The following SNAPC1 variants were observed in gnomAD, a reference collection of about 807,000 sequenced individuals.
SNAPC1 encodes the protein snRNA-activating protein complex subunit 1.
SNAPC1 carries 42 observed loss-of-function variants against 50.1 expected under a neutral mutation model. The ratio of observed to expected loss-of-function variants is 0.84; its 90% CI spans 0.65 to 1.08. SNAPC1 has a LOEUF of 1.08. SNAPC1 is among the 50% of genes least tolerant of loss of function. The probability of loss-of-function intolerance (pLI) is 0.00; values close to 1 mark genes in which losing one functional copy is unlikely to be tolerated. For synonymous variants in SNAPC1, 164 were observed against 144.2 expected (o/e 1.14, Z -0.98); for missense variants, 477 against 427.3 (o/e 1.12, Z -1.02).
rs367663321 is a variant in SNAPC1 at position 61,790,865 on chromosome 14, A to G, written c.977-1942A>G. On this transcript the variant is annotated intron_variant, in intron 8 of 9. Coordinates refer to ENST00000216294, the MANE Select transcript of SNAPC1 (RefSeq NM_003082.4). ...CATTCTAGCTGCCTGACTAGTAATCATTTGTTTGGATAATCAGTAGTGGTC... is the reference window on the plus strand; with the variant it reads ...CATTCTAGCTGCCTGACTAGTAATCGTTTGTTTGGATAATCAGTAGTGGTC... Among the ~76,000 whole-genome samples the G allele has an allele frequency of 1.1e-4, 17 of 152,266 alleles. No individual in the cohort carries two copies. The South Asian group carries it at 2.9e-3, about 26-fold the overall frequency.
At chr14:61,790,119 T>C (rs565892616) in intron 8 of SNAPC1, among the ~76,000 whole-genome samples, 14 of 152,180 alleles carry the variant, frequency 9.2e-5, no homozygotes, top group Non-Finnish European at 1.3e-4. Flanking sequence ...AAAGATTTCA[T>C]TGGGGGGAGA....
chr14:61,785,578 A>G (rs2045109963), intron 8 of SNAPC1, among the ~76,000 whole-genome samples: 1 of 152,214 alleles, frequency 6.6e-6, no homozygotes, highest in African/African-American at 2.4e-5. Context: ...AAGTCCTGAG[A>G]CATGTGCCCA....
chr14:61,769,393 G>GTTTTTTTTT (rs766718835), intron 4 of SNAPC1, among the ~76,000 whole-genome samples: 2 of 116,374 alleles, frequency 1.7e-5, no homozygotes, highest in African/African-American at 3.2e-5. Flanking sequence ...ATTTCCTGAG[G>GTTTTTTTTT]TTTTTTTTTT....
At chr14:61,791,774 G>T (rs1466505363) in intron 8 of SNAPC1, among the ~76,000 whole-genome samples, 1 of 152,022 alleles carries the variant, frequency 6.6e-6, no homozygotes, top group Non-Finnish European at 1.5e-5. Context: ...ATTTAAGCCT[G>T]GGAGGCGGAG....
At chr14:61,793,488 T>C (rs538390511) in intron 9 of SNAPC1, among the ~76,000 whole-genome samples, 1 of 152,054 alleles carries the variant, frequency 6.6e-6, no homozygotes, top group East Asian at 1.9e-4. Context: ...AGTGATCCAC[T>C]TGCCTCAGCC....
intron 8 of SNAPC1, among the ~76,000 whole-genome samples, chr14:61,789,393 C>A (rs988017283): frequency 1.3e-5 from 2 of 151,996 alleles, no homozygotes; most frequent in Admixed American, 6.6e-5. Flanking sequence ...TACATACATA[C>A]ACACATGAAC....
intron 8 of SNAPC1, among the ~76,000 whole-genome samples, chr14:61,785,193 G>A (rs959357522): frequency 1.3e-5 from 2 of 152,082 alleles, no homozygotes; most frequent in East Asian, 3.9e-4. Context: ...ACCTGAGGTT[G>A]GGAGTTCAAG....
In SNAPC1 at chr14:61,779,633, G is replaced by GT. The variant is rs201426313; in HGVS notation, c.825+732dup. On this transcript the variant is annotated intron_variant, in intron 7 of 9. Transcript: ENST00000216294. The stretch of plus-strand genomic sequence containing the variant: ...TTTCTCTTTAAGGATATTAACTACA[G>GT]TTTTTTTTTGATGGTTCCTCCCATT... 1.2e-3 allele frequency among the ~76,000 whole-genome samples: 165 copies of GT among 141,976 alleles called. 1 individual carries two copies. Among genetic ancestry groups the GT allele is most frequent in the East Asian group, 7.4e-3 (35 of 4,750 alleles). The allele number at this position is 141,976 out of a possible 152,430, so 93.1% of individuals were successfully genotyped here.
At chr14:61,793,920 T>C (rs1261033149) in intron 9 of SNAPC1, among the ~76,000 whole-genome samples, 1 of 152,226 alleles carries the variant, frequency 6.6e-6, no homozygotes, top group African/African-American at 2.4e-5. Flanking sequence ...CTTCCCAAAG[T>C]GCTGGGATTA....
Position 61,780,521 on chromosome 14 carries a change from C to A in SNAPC1, c.825+1611C>A, listed in dbSNP as rs533542646. On this transcript the variant is annotated intron_variant, in intron 7 of 9. Coordinates refer to ENST00000216294, the MANE Select transcript of SNAPC1 (RefSeq NM_003082.4). Reference sequence around the variant, plus strand: ...GAGCCACTGTGCCCAGCCCTTTGCCCGTTTTTTAACGGGGTGGTTTTTTGT... The same window carrying A: ...GAGCCACTGTGCCCAGCCCTTTGCCAGTTTTTTAACGGGGTGGTTTTTTGT... Among the ~76,000 whole-genome samples the A allele has an allele frequency of 1.7e-3, 261 of 152,218 alleles. 1 individual carries two copies. The highest frequency in any genetic ancestry group is 3.0e-3 in the Non-Finnish European group (205 of 68,006).
At chr14:61,773,527 TGGGACCACA>T (rs1024694508) in intron 4 of SNAPC1, among the ~76,000 whole-genome samples, 13 of 150,904 alleles carry the variant, frequency 8.6e-5, no homozygotes, top group African/African-American at 3.2e-4. Flanking sequence ...GCTGAGTAGA[TGGGACCACA>T]GGCGCCTGCC....
chr14:61,764,932 A>T (rs2044935790), intron 1 of SNAPC1, among the ~76,000 whole-genome samples: 1 of 150,874 alleles, frequency 6.6e-6, no homozygotes, highest in South Asian at 2.1e-4. Context: ...GCCCGTGTTT[A>T]TGGCTGCAGG....
rs74664302 is a variant in SNAPC1 at position 61,780,250 on chromosome 14, G to T, written c.825+1340G>T. Among the ~76,000 whole-genome samples, 1,304 of 152,196 alleles carry T rather than the reference G, an allele frequency of 8.6e-3. 7 individuals are homozygous for T. Among genetic ancestry groups the T allele is most frequent in the Middle Eastern group, 0.031 (9 of 294 alleles). ...ACGAGGCTCACCATTCCTTATGCAG[G>T]TTTCACTCAGCCCCTCTATTTTCAA... On this transcript the variant is annotated intron_variant, in intron 7 of 9. Coordinates refer to ENST00000216294, the MANE Select transcript of SNAPC1 (RefSeq NM_003082.4).
At chr14:61,773,082 TAA>T (rs2045005423) in intron 4 of SNAPC1, among the ~76,000 whole-genome samples, 1 of 152,352 alleles carries the variant, frequency 6.6e-6, no homozygotes, top group Admixed American at 6.5e-5. Flanking sequence ...CAACTGCTAT[TAA>T]GTCTTCATTT....
rs756588975 is a variant in SNAPC1, at chr14:61,795,659, CAAT to C, written c.*683_*685del. The C allele has an allele frequency of 9.3e-5, 14 of 150,860 alleles. No homozygotes were observed. The highest frequency in any genetic ancestry group is 1.3e-4 in the Non-Finnish European group (9 of 67,820). 9.3% of individuals were successfully genotyped at this position (150,860 alleles called of 1,614,324 possible). ...AAGTACTTTCTAATAAAATCTTTAA[CAAT>C]AATAATGTAAATTTCAGAATGTGTC... On this transcript the variant is annotated 3_prime_UTR_variant, in exon 10 of 10. Coordinates refer to ENST00000216294, the MANE Select transcript of SNAPC1 (RefSeq NM_003082.4).
At chr14:61,769,590 G>A (rs184222857) in intron 4 of SNAPC1, among the ~76,000 whole-genome samples, 1 of 151,870 alleles carries the variant, frequency 6.6e-6, no homozygotes, top group African/African-American at 2.4e-5. Context: ...GTAGAAACAG[G>A]GTTTTGCCGT....
At chr14:61,767,163 T>C (rs2044954146) in intron 2 of SNAPC1, 49 bp from the exon 3 acceptor site, 1 of 1,310,900 alleles carries the variant, frequency 7.6e-7, no homozygotes, top group Non-Finnish European at 1.0e-6. Flanking sequence ...AATATGTTTG[T>C]GAAAAAATAT....
At chr14:61,783,528 GTTTTTTTTTT>G (rs577941212) in intron 8 of SNAPC1, among the ~76,000 whole-genome samples, 1 of 110,134 alleles carries the variant, frequency 9.1e-6, no homozygotes. Context: ...GTTTGGTTTG[GTTTTTTTTTT>G]TTTTTTTTTT....
chr14:61,784,493 T>C (rs546405628), intron 8 of SNAPC1, among the ~76,000 whole-genome samples: 1 of 151,710 alleles, frequency 6.6e-6, no homozygotes, highest in African/African-American at 2.4e-5. Flanking sequence ...GATCAAGGAG[T>C]CAGCAAACAG....
Sources: gnomAD v4.1 joint callset for allele counts (sites outside exome capture counted in the v4.1 genomes callset) on GRCh38, gnomAD v4.1.1 for gene constraint, MANE v1.5 for transcripts, NCBI Gene and HGNC (gene_info 2026-07-23, HGNC 2026-07-21) for gene names.